Variants in UBE2W observed in about 807,000 individuals in gnomAD.
The protein encoded by UBE2W is ubiquitin-conjugating enzyme E2 W.
A neutral mutation model predicts 27.2 loss-of-function variants in UBE2W; 18 were observed. The observed-to-expected ratio is 0.66, with a 90% CI of 0.46 to 0.98. The LOEUF is 0.98. UBE2W is among the 50% of genes least tolerant of loss of function. UBE2W has a pLI of 0.00. For missense variants in UBE2W, 90 were observed against 180.2 expected (o/e 0.50, Z 2.87); for synonymous variants, 53 against 57.2 (o/e 0.93, Z 0.33).
intron 1 of UBE2W, among the ~76,000 whole-genome samples, chr8:73,847,139 A>C (rs1810843170): frequency 6.6e-6 from 1 of 152,238 alleles, no homozygotes; most frequent in Non-Finnish European, 1.5e-5. Flanking sequence ...ACCGCATTCC[A>C]GCCTGGGCGA....
chr8:73,817,550 G>A (rs1050437876), intron 3 of UBE2W, among the ~76,000 whole-genome samples: 3 of 151,936 alleles, frequency 2.0e-5, no homozygotes, highest in East Asian at 3.9e-4. Context: ...ATGGAGTCTC[G>A]TTCTGTCGCC....
In UBE2W at chr8:73,791,382, A is replaced by G; in HGVS notation, c.*2720T>C. 2.0e-6 allele frequency: 2 copies of G among 983,790 alleles called. No individual in the cohort carries two copies. Among genetic ancestry groups the G allele is most frequent in the Non-Finnish European group, 2.4e-6 (2 of 828,530 alleles). 60.9% of individuals were successfully genotyped at this position (983,790 alleles called of 1,614,324 possible). A position where few individuals can be genotyped will look rare whatever the true frequency, so the allele number is the denominator to read the frequency against. On this transcript the variant is annotated 3_prime_UTR_variant, in exon 6 of 6. Transcript: ENST00000602593. ...AAACCAGAAGAATGGCCTAAAAATA[A>G]ATAAATAAATAAATAAAAGAAGAAG...
rs922292159 is a variant in UBE2W, at chr8:73,863,156, T to G, written c.15+15652A>C. ...ATGTTTATTGCGGCATTATTCACAA[T>G]AGCAAAGACGTGGAACCAACCCAAA... On this transcript the variant is annotated intron_variant, in intron 1 of 5. Coordinates refer to ENST00000602593, the MANE Select transcript of UBE2W (RefSeq NM_018299.6). Among the ~76,000 whole-genome samples, 5 of 143,054 alleles carry G rather than the reference T, an allele frequency of 3.5e-5. 1 individual carries two copies. The highest frequency in any genetic ancestry group is 1.5e-4 in the African/African-American group (5 of 33,318). The allele number at this position is 143,054 out of a possible 152,430, so 93.8% of individuals were successfully genotyped here.
At chr8:73,818,753 G>A (rs561288303) in intron 3 of UBE2W, among the ~76,000 whole-genome samples, 4 of 152,206 alleles carry the variant, frequency 2.6e-5, no homozygotes, top group African/African-American at 7.2e-5. Flanking sequence ...CTTGAGATCT[G>A]GTTGTTTCAA....
At chr8:73,851,698 T>A (rs1055132227) in intron 1 of UBE2W, among the ~76,000 whole-genome samples, 2 of 152,048 alleles carry the variant, frequency 1.3e-5, no homozygotes, top group Non-Finnish European at 1.5e-5. Context: ...AAAATTACAT[T>A]TGAGACATTA....
chr8:73,868,033 TC>T (rs1774570688), intron 1 of UBE2W, among the ~76,000 whole-genome samples: 1 of 152,190 alleles, frequency 6.6e-6, no homozygotes, highest in African/African-American at 2.4e-5. Context: ...TTCATCCAGC[TC>T]CTAAAACCCT....
At position 73,791,916 on chromosome 8, in the gene UBE2W, AT is replaced by A. The variant is rs1163761888; in HGVS notation, c.*2185del. The A allele has an allele frequency of 4.3e-5, 42 of 984,894 alleles. No individual in the cohort carries two copies. Among genetic ancestry groups the A allele is most frequent in the Non-Finnish European group, 5.1e-5 (42 of 829,526 alleles). 61.0% of individuals were successfully genotyped at this position (984,894 alleles called of 1,614,324 possible). A position where few individuals can be genotyped will look rare whatever the true frequency, so the allele number is the denominator to read the frequency against. ...TGTCATAAAAAACTCAATTGAGGCT[AT>A]ATATGACCTATTACTCTATAGTATA... is the stretch of plus-strand genomic sequence containing the variant. On this transcript the variant is annotated 3_prime_UTR_variant, in exon 6 of 6. Coordinates refer to ENST00000602593, the MANE Select transcript of UBE2W (RefSeq NM_018299.6).
chr8:73,783,143 T>G (rs752651314), downstream of UBE2W, among the ~76,000 whole-genome samples: 1 of 152,242 alleles, frequency 6.6e-6, no homozygotes. Flanking sequence ...TTAAGTTCTT[T>G]AAAAATTATA....
In UBE2W at chr8:73,819,970, G is replaced by C. The variant is rs373821134; in HGVS notation, c.210+5177C>G. On this transcript the variant is annotated intron_variant, in intron 3 of 5. Transcript: ENST00000602593. ...AGTACTGTTCATTGCATAGAAAGATGAAAGACTTTTCTTTCTTTTTTTTAT... is the reference window on the plus strand; with the variant it reads ...AGTACTGTTCATTGCATAGAAAGATCAAAGACTTTTCTTTCTTTTTTTTAT... 1.8e-4 allele frequency among the ~76,000 whole-genome samples: 27 copies of C among 152,314 alleles called. No homozygotes were observed. In the South Asian group the frequency reaches 5.6e-3, roughly 32 times the overall value.
In UBE2W at chr8:73,786,406, A is replaced by T; in HGVS notation, c.*7696T>A. 1 of 985,172 alleles carries T rather than the reference A, an allele frequency of 1.0e-6. No individual in the cohort carries two copies. The highest frequency in any genetic ancestry group is 4.7e-5 in the South Asian group (1 of 21,274). The allele number at this position is 985,172 out of a possible 1,614,324, so 61.0% of individuals were successfully genotyped here. ...GCATAACCAAGTTAATTCAATACAC[A>T]CTTATTAAATGCCTATGTGCTACAG... On this transcript the variant is annotated 3_prime_UTR_variant, in exon 6 of 6. Coordinates refer to ENST00000602593, the MANE Select transcript of UBE2W (RefSeq NM_018299.6).
At chr8:73,858,932 G>A (rs1288379557) in intron 1 of UBE2W, among the ~76,000 whole-genome samples, 1 of 146,632 alleles carries the variant, frequency 6.8e-6, no homozygotes, top group Non-Finnish European at 1.5e-5. Context: ...TTTCTTTTTG[G>A]TGAGTCTTCT....
rs561396966 is a variant in UBE2W, at chr8:73,864,770, G to T, written c.15+14038C>A. 3.2e-4 allele frequency among the ~76,000 whole-genome samples: 39 copies of T among 120,306 alleles called. 1 individual carries two copies. The highest frequency in any genetic ancestry group is 1.1e-3 in the African/African-American group (36 of 32,406). The allele number at this position is 120,306 out of a possible 152,430, so 78.9% of individuals were successfully genotyped here. ...TTTTTTGGGGGGGGGGGGCGGGGGGGGCTGAGGGGATATTTTTAGCAGAGA... is the reference window on the plus strand; with the variant it reads ...TTTTTTGGGGGGGGGGGGCGGGGGGTGCTGAGGGGATATTTTTAGCAGAGA... On this transcript the variant is annotated intron_variant, in intron 1 of 5. Coordinates refer to ENST00000602593, the MANE Select transcript of UBE2W (RefSeq NM_018299.6).
intron 5 of UBE2W, among the ~76,000 whole-genome samples, chr8:73,803,604 C>T (rs924725752): frequency 3.3e-5 from 5 of 152,118 alleles, no homozygotes; most frequent in Admixed American, 2.6e-4. Flanking sequence ...TGAACTCCAT[C>T]GAACCTACAG....
intron 1 of UBE2W, among the ~76,000 whole-genome samples, chr8:73,862,610 C>G (rs2130974265): frequency 7.3e-6 from 1 of 137,718 alleles, no homozygotes; most frequent in South Asian, 2.5e-4. Context: ...TTCTGCACAG[C>G]AAAAGAAACT....
intron 1 of UBE2W, among the ~76,000 whole-genome samples, chr8:73,839,726 G>GTTTT (rs149185338): frequency 2.4e-5 from 3 of 123,134 alleles, no homozygotes; most frequent in African/African-American, 6.3e-5. Context: ...TTCTTTTTTG[G>GTTTT]TTTTTTTTTT....
At chr8:73,872,541 A>C (rs546441176) in intron 1 of UBE2W, among the ~76,000 whole-genome samples, 47 of 152,358 alleles carry the variant, frequency 3.1e-4, no homozygotes, top group Non-Finnish European at 6.0e-4. Flanking sequence ...ACATAGCAGT[A>C]ACTGCTGGTA....
chr8:73,845,220 A>G (rs1219165634), intron 1 of UBE2W, among the ~76,000 whole-genome samples: 2 of 152,226 alleles, frequency 1.3e-5, no homozygotes, highest in Non-Finnish European at 2.9e-5. Context: ...TGTACCCAAC[A>G]GCTCATTGAG....
intron 4 of UBE2W, 49 bp from the exon 5 acceptor site, chr8:73,805,775 G>T: frequency 1.8e-6 from 2 of 1,104,608 alleles, no homozygotes; most frequent in Non-Finnish European, 1.3e-6. Context: ...AAAACTGAGA[G>T]GGTGACAGTT....
At chr8:73,852,340 T>C (rs1811116536) in intron 1 of UBE2W, among the ~76,000 whole-genome samples, 1 of 152,184 alleles carries the variant, frequency 6.6e-6, no homozygotes, top group Non-Finnish European at 1.5e-5. Context: ...TTTACTACCC[T>C]AGAATCAAAT....
Sources: allele counts gnomAD v4.1 joint callset (sites outside exome capture counted in the v4.1 genomes callset), GRCh38; gene constraint gnomAD v4.1.1; transcripts MANE v1.5; gene names NCBI Gene and HGNC (gene_info 2026-07-23, HGNC 2026-07-21).